The following MMP26 variants were observed in gnomAD, a reference collection of about 807,000 sequenced individuals.
MMP26 encodes the protein matrix metallopeptidase 26, also known as matrix metalloproteinase-26.
Under a neutral mutation model 31.0 loss-of-function variants are expected in MMP26, and 33 were observed. That is an observed-to-expected ratio of 1.06 (90% CI 0.81 to 1.42). The LOEUF (loss-of-function observed/expected upper bound fraction) is 1.42. MMP26 is among the 40% of genes most tolerant of loss of function. The pLI is 0.00. For synonymous variants in MMP26, 122 were observed against 114.9 expected (o/e 1.06, Z -0.40); for missense variants, 347 against 316.1 (o/e 1.10, Z -0.74).
intron 2 of MMP26, among the ~76,000 whole-genome samples, chr11:4,974,663 T>G (rs1254400723): frequency 6.6e-6 from 1 of 152,132 alleles, no homozygotes; most frequent in Non-Finnish European, 1.5e-5. Context: ...CTCACTACCA[T>G]AGATTTCGGA....
intron 2 of MMP26, among the ~76,000 whole-genome samples, chr11:4,941,643 T>G (rs1846207122): frequency 6.6e-6 from 1 of 152,138 alleles, no homozygotes. Context: ...ACCATCATGC[T>G]TGAGGCATGC....
At chr11:4,924,402 G>A (rs1381316472) in intron 2 of MMP26, 2 of 1,488,750 alleles carry the variant, frequency 1.3e-6, no homozygotes, top group East Asian at 4.5e-5. Context: ...AAGTGACAAG[G>A]CTGAATTCTC....
At chr11:4,903,523 T>C (rs1850833945) in intron 2 of MMP26, among the ~76,000 whole-genome samples, 1 of 152,082 alleles carries the variant, frequency 6.6e-6, no homozygotes, top group African/African-American at 2.4e-5. Context: ...CCTCTACAAA[T>C]CCCATGTGTC....
At chr11:4,705,276 A>G (rs2133260219) in intron 1 of MMP26, among the ~76,000 whole-genome samples, 1 of 152,216 alleles carries the variant, frequency 6.6e-6, no homozygotes, top group African/African-American at 2.4e-5. Context: ...CAGTAAAAAA[A>G]GAAAAAAAAA....
intron 2 of MMP26, among the ~76,000 whole-genome samples, chr11:4,797,470 G>A (rs1849123669): frequency 6.6e-6 from 1 of 152,140 alleles, no homozygotes; most frequent in Non-Finnish European, 1.5e-5. Flanking sequence ...TCCTGCTGCA[G>A]AGACTGTGCA....
rs117918893 is a variant in MMP26 at position 4,889,426 on chromosome 11, T to A, written c.-144-98642T>A. ...TCAGTACAGATGCAATCAATCACAC[T>A]TTTTTTCTGAATATTTTTTATCCGT... On this transcript the variant is annotated intron_variant, in intron 2 of 7. Coordinates refer to ENST00000380390, the MANE Select transcript of MMP26 (RefSeq NM_021801.5). Among the ~76,000 whole-genome samples the A allele has an allele frequency of 5.0e-3, 755 of 152,276 alleles. 3 individuals are homozygous for A. The highest frequency in any genetic ancestry group is 8.0e-3 in the Non-Finnish European group (543 of 68,018).
At chr11:4,849,902 T>C (rs868584027) in intron 2 of MMP26, among the ~76,000 whole-genome samples, 7 of 152,296 alleles carry the variant, frequency 4.6e-5, no homozygotes, top group Middle Eastern at 3.4e-3. Flanking sequence ...CATGTGGTAT[T>C]TTGTTACATG....
intron 2 of MMP26, among the ~76,000 whole-genome samples, chr11:4,841,426 GA>G (rs1353612979): frequency 6.6e-6 from 1 of 152,064 alleles, no homozygotes; most frequent in Admixed American, 6.5e-5. Flanking sequence ...AGCTGCAAGA[GA>G]AAAGAAACCA....
intron 2 of MMP26, chr11:4,804,405 G>A: frequency 6.4e-7 from 1 of 1,551,258 alleles, no homozygotes; most frequent in Non-Finnish European, 8.9e-7. Flanking sequence ...GGTCTCTGCT[G>A]GGAACGCAAT....
In MMP26 at chr11:4,762,418, G is replaced by GT. The variant is rs142362328; in HGVS notation, c.-216-4850dup. Among the ~76,000 whole-genome samples, 1,224 of 152,214 alleles carry GT rather than the reference G, an allele frequency of 8.0e-3. 20 individuals carry two copies. The highest frequency in any genetic ancestry group is 0.028 in the African/African-American group (1,162 of 41,536). ...TTTATTCACAATATTTTGATGTAGA[G>GT]TTAGGGCCTCTTAATACAGTTTTGC... is the stretch of plus-strand genomic sequence containing the variant. On this transcript the variant is annotated intron_variant, in intron 1 of 7. Coordinates refer to ENST00000380390, the MANE Select transcript of MMP26 (RefSeq NM_021801.5).
intron 2 of MMP26, among the ~76,000 whole-genome samples, chr11:4,827,924 T>A (rs1239060760): frequency 6.6e-6 from 1 of 152,014 alleles, no homozygotes; most frequent in Non-Finnish European, 1.5e-5. Flanking sequence ...TGTAGCCTTT[T>A]CTGGATCTGG....
chr11:4,747,170 C>G (rs1378106931), intron 1 of MMP26, among the ~76,000 whole-genome samples: 1 of 152,024 alleles, frequency 6.6e-6, no homozygotes, highest in Non-Finnish European at 1.5e-5. Flanking sequence ...AAGTAGCAGT[C>G]AGAATGAGCT....
chr11:4,969,622 A>G (rs527524095), intron 2 of MMP26, among the ~76,000 whole-genome samples: 1 of 152,212 alleles, frequency 6.6e-6, no homozygotes, highest in Admixed American at 6.5e-5. Flanking sequence ...GCTGTGCTTG[A>G]CATACATAAA....
At chr11:4,888,568 T>C (rs968964844) in intron 2 of MMP26, among the ~76,000 whole-genome samples, 2 of 152,148 alleles carry the variant, frequency 1.3e-5, no homozygotes, top group South Asian at 4.1e-4. Context: ...AACTTTTTCC[T>C]ATTTTTTACC....
intron 2 of MMP26, among the ~76,000 whole-genome samples, chr11:4,982,655 A>G (rs979490818): frequency 3.3e-5 from 5 of 152,218 alleles, no homozygotes; most frequent in African/African-American, 1.2e-4. Context: ...TTTGATAAGT[A>G]GTATACTTAT....
Position 4,915,621 on chromosome 11 carries a change from C to A in MMP26, c.-144-72447C>A, listed in dbSNP as rs373571216. ...GGGATGCCACTCAGCAGGAAGGTAG[C>A]AGAAACGCTGCTGCTGCTGTTTCCC... On this transcript the variant is annotated intron_variant, in intron 2 of 7. Transcript: ENST00000380390. 15 of 1,613,640 alleles carry A rather than the reference C, an allele frequency of 9.3e-6. No homozygotes were observed. Among genetic ancestry groups the A allele is most frequent in the Non-Finnish European group, 1.1e-5 (13 of 1,179,814 alleles).
intron 1 of MMP26, among the ~76,000 whole-genome samples, chr11:4,764,828 G>T (rs139254323): frequency 2.6e-4 from 39 of 152,126 alleles, no homozygotes; most frequent in Middle Eastern, 3.4e-3. Context: ...AGCTGAGATC[G>T]CGCAGCGCCA....
chr11:4,845,764 C>G (rs574765362), intron 2 of MMP26, among the ~76,000 whole-genome samples: 1 of 152,198 alleles, frequency 6.6e-6, no homozygotes, highest in African/African-American at 2.4e-5. Context: ...AACCAATAAT[C>G]TAATCAATAA....
At chr11:4,835,215 C>CACAA (rs2133483843) in intron 2 of MMP26, among the ~76,000 whole-genome samples, 1 of 151,466 alleles carries the variant, frequency 6.6e-6, no homozygotes, top group African/African-American at 2.4e-5. Context: ...CACACACACA[C>CACAA]ACACACACAC....
Sources: gnomAD v4.1 joint callset for allele counts (sites outside exome capture counted in the v4.1 genomes callset) on GRCh38, gnomAD v4.1.1 for gene constraint, MANE v1.5 for transcripts, NCBI Gene and HGNC (gene_info 2026-07-23, HGNC 2026-07-21) for gene names.